The following MED12L variants were observed in gnomAD, a reference collection of about 807,000 sequenced individuals.
MED12L encodes the protein mediator of RNA polymerase II transcription subunit 12-like protein.
MED12L carries 60 observed loss-of-function variants against 281.3 expected under a neutral mutation model. The ratio of observed to expected loss-of-function variants is 0.21; its 90% CI spans 0.17 to 0.26. The LOEUF is 0.26. Ranked by LOEUF, MED12L falls within the 10% of genes least tolerant of loss-of-function variation. The probability of loss-of-function intolerance (pLI) is 1.00; values close to 1 mark genes in which losing one functional copy is unlikely to be tolerated. For synonymous variants in MED12L, 974 were observed against 987.2 expected (o/e 0.99, Z 0.25); for missense variants, 2,146 against 2,680.9 (o/e 0.80, Z 4.41).
intron 2 of MED12L, among the ~76,000 whole-genome samples, chr3:151,088,824 A>C (rs749290482): frequency 3.3e-5 from 5 of 152,214 alleles, no homozygotes; most frequent in Non-Finnish European, 5.9e-5. Flanking sequence ...TGTACCACCA[A>C]ACCAGTATTT....
chr3:151,348,628 G>A (rs1476972266), intron 16 of MED12L, among the ~76,000 whole-genome samples: 1 of 151,642 alleles, frequency 6.6e-6, no homozygotes, highest in Admixed American at 6.6e-5. Flanking sequence ...GAATCATTTG[G>A]GGGTGGGGAA....
chr3:151,140,648 A>G (rs1716789017), intron 5 of MED12L, among the ~76,000 whole-genome samples: 1 of 151,892 alleles, frequency 6.6e-6, no homozygotes, highest in Admixed American at 6.6e-5. Flanking sequence ...ATCAAAGAAA[A>G]TGTATGCCCA....
At chr3:151,412,100 G>A (rs1158939225) in intron 41 of MED12L, among the ~76,000 whole-genome samples, 1 of 152,124 alleles carries the variant, frequency 6.6e-6, no homozygotes, top group Non-Finnish European at 1.5e-5. Context: ...TTTAAATTTA[G>A]ACTATTTAAA....
intron 5 of MED12L, among the ~76,000 whole-genome samples, chr3:151,136,869 T>C (rs1226244764): frequency 6.6e-6 from 1 of 152,164 alleles, no homozygotes; most frequent in Non-Finnish European, 1.5e-5. Flanking sequence ...TTTTTATTTA[T>C]TAAAAAAGTT....
At chr3:151,338,848 C>T (rs750420410) in intron 16 of MED12L, 13 of 1,612,848 alleles carry the variant, frequency 8.1e-6, no homozygotes, top group Non-Finnish European at 1.0e-5. Flanking sequence ...GCTTGCATTT[C>T]TTGTTGGTTA....
chr3:151,333,056 T>C (rs1250540303), intron 16 of MED12L, among the ~76,000 whole-genome samples: 1 of 152,230 alleles, frequency 6.6e-6, no homozygotes, highest in Non-Finnish European at 1.5e-5. Context: ...TTCATCCATG[T>C]TGTTGCAAAG....
intron 16 of MED12L, among the ~76,000 whole-genome samples, chr3:151,310,929 G>A (rs1310012064): frequency 6.6e-6 from 1 of 152,148 alleles, no homozygotes; most frequent in Non-Finnish European, 1.5e-5. Context: ...GAGCTGGGGT[G>A]GGGAAAAACT....
At chr3:151,125,291 A>T (rs1163518482) in intron 4 of MED12L, among the ~76,000 whole-genome samples, 1 of 152,136 alleles carries the variant, frequency 6.6e-6, no homozygotes, top group Non-Finnish European at 1.5e-5. Context: ...CTTCTTTCAC[A>T]TATGTTCTTC....
chr3:151,090,956 T>C (rs1719963528), intron 2 of MED12L, among the ~76,000 whole-genome samples: 1 of 151,994 alleles, frequency 6.6e-6, no homozygotes, highest in East Asian at 1.9e-4. Context: ...CAGGAGAATC[T>C]CTTGAACCCA....
chr3:151,224,114 TA>T (rs1729985213), intron 16 of MED12L, among the ~76,000 whole-genome samples: 1 of 147,810 alleles, frequency 6.8e-6, no homozygotes, highest in South Asian at 2.2e-4. Context: ...AATTATTTCA[TA>T]ATTAGGAATA....
chr3:151,113,857 T>C (rs1712312785), intron 2 of MED12L, among the ~76,000 whole-genome samples: 1 of 152,226 alleles, frequency 6.6e-6, no homozygotes, highest in Admixed American at 6.5e-5. Flanking sequence ...CTATCTGATC[T>C]GGTGTTAGTT....
intron 2 of MED12L, among the ~76,000 whole-genome samples, chr3:151,108,429 A>T (rs998048718): frequency 2.6e-5 from 4 of 152,204 alleles, no homozygotes; most frequent in African/African-American, 9.7e-5. Flanking sequence ...AATTACATGT[A>T]TCTGTGATGG....
chr3:151,153,564 C>CTTTTTTTTTTTTTTTTT (rs1177653143), intron 5 of MED12L, among the ~76,000 whole-genome samples: 14 of 94,260 alleles, frequency 1.5e-4, no homozygotes, highest in East Asian at 6.6e-4. Flanking sequence ...TGTTTTCTTT[C>CTTTTTTTTTTTTTTTTT]TTTTTTTTTT....
In MED12L at chr3:151,255,467, C is replaced by T. The variant is rs144650067; in HGVS notation, c.2250+61801C>T. 9.3e-3 allele frequency among the ~76,000 whole-genome samples: 1,413 copies of T among 151,922 alleles called. 20 individuals carry two copies. Among genetic ancestry groups the T allele is most frequent in the African/African-American group, 0.032 (1,315 of 41,406 alleles). On this transcript the variant is annotated intron_variant, in intron 16 of 44. Transcript: ENST00000687756. ...GGCCAGGGGGAGGGGGCTGGGGGTG[C>T]GGGCAGGCGGTTTGGGTATAAATGC...
At chr3:151,205,379 G>C (rs372138426) in intron 16 of MED12L, among the ~76,000 whole-genome samples, 108 of 152,296 alleles carry the variant, frequency 7.1e-4, no homozygotes, top group African/African-American at 2.5e-3. Context: ...TGTCCACCAA[G>C]TTATGAATTG....
chr3:151,170,516 C>A (rs1721299166), intron 11 of MED12L, among the ~76,000 whole-genome samples: 1 of 151,950 alleles, frequency 6.6e-6, no homozygotes, highest in Non-Finnish European at 1.5e-5. Flanking sequence ...CCTCGTGATC[C>A]ACCCACCTCA....
At chr3:151,339,253 A>G (rs1303709354) in intron 16 of MED12L, among the ~76,000 whole-genome samples, 2 of 151,948 alleles carry the variant, frequency 1.3e-5, no homozygotes, top group African/African-American at 2.4e-5. Flanking sequence ...GTTTCTATTC[A>G]CAGTCACTTT....
At chr3:151,412,350 T>C (rs960743502) in intron 41 of MED12L, among the ~76,000 whole-genome samples, 6 of 152,240 alleles carry the variant, frequency 3.9e-5, no homozygotes, top group Admixed American at 2.0e-4. Context: ...CCCAAAATTA[T>C]GCAGTTCGTT....
chr3:151,285,325 A>G (rs1743329692), intron 16 of MED12L, among the ~76,000 whole-genome samples: 1 of 152,008 alleles, frequency 6.6e-6, no homozygotes, highest in Non-Finnish European at 1.5e-5. Context: ...TCTACTAAAA[A>G]ATACAAAAAA....
Sources: allele counts gnomAD v4.1 joint callset (sites outside exome capture counted in the v4.1 genomes callset), GRCh38; gene constraint gnomAD v4.1.1; transcripts MANE v1.5; gene names NCBI Gene and HGNC (gene_info 2026-07-23, HGNC 2026-07-21).